ZMAT4: variants seen among roughly 807,000 people sequenced by gnomAD.
ZMAT4 encodes zinc finger matrin-type protein 4.
Under a neutral mutation model 28.7 loss-of-function variants are expected in ZMAT4, and 17 were observed. That is an observed-to-expected ratio of 0.59 (90% CI 0.41 to 0.89). ZMAT4 has a LOEUF of 0.89. ZMAT4 is among the 40% of genes least tolerant of loss of function. The pLI, the probability that ZMAT4 is intolerant of heterozygous loss-of-function variation, is 0.00. For missense variants in ZMAT4, 240 were observed against 283.8 expected (o/e 0.85, Z 1.11); for synonymous variants, 117 against 109.2 (o/e 1.07, Z -0.44).
At chr8:40,868,936 T>A (rs576478176) in intron 1 of ZMAT4, among the ~76,000 whole-genome samples, 28 of 152,350 alleles carry the variant, frequency 1.8e-4, no homozygotes, top group Non-Finnish European at 2.5e-4. Flanking sequence ...ATCGGCAGTA[T>A]TGCCCATTAT....
intron 3 of ZMAT4, among the ~76,000 whole-genome samples, chr8:40,734,831 T>C (rs1811692248): frequency 6.6e-6 from 1 of 152,264 alleles, no homozygotes; most frequent in South Asian, 2.1e-4. Context: ...ATTGGAATTG[T>C]CCAAAATTTA....
chr8:40,705,655 T>C (rs1810320162), intron 3 of ZMAT4, among the ~76,000 whole-genome samples: 2 of 152,350 alleles, frequency 1.3e-5, no homozygotes, highest in African/African-American at 2.4e-5. Context: ...TTGAAGCATA[T>C]ATACATTGTG....
rs1809188681 is a variant in ZMAT4 at position 40,682,012 on chromosome 8, TTATA to T, written c.350-7085_350-7082del. Among the ~76,000 whole-genome samples, 3 of 152,060 alleles carry T rather than the reference TTATA, an allele frequency of 2.0e-5. No individual in the cohort carries two copies. In the South Asian group the frequency reaches 6.2e-4, roughly 31 times the overall value. On this transcript the variant is annotated intron_variant, in intron 4 of 6. Transcript: ENST00000297737. ...CACTTATACACATAGCTGCAAAACT[TTATA>T]TAACTATAACTACTACTATTACTAT...
intron 2 of ZMAT4, among the ~76,000 whole-genome samples, chr8:40,806,339 A>G (rs1337443196): frequency 2.0e-5 from 3 of 152,188 alleles, no homozygotes; most frequent in Non-Finnish European, 4.4e-5. Flanking sequence ...CTTTTTAATT[A>G]AGGCCATTAG....
chr8:40,568,576 A>T (rs1046345006), intron 6 of ZMAT4, among the ~76,000 whole-genome samples: 3 of 152,096 alleles, frequency 2.0e-5, no homozygotes, highest in Non-Finnish European at 4.4e-5. Flanking sequence ...CTCAACATTC[A>T]TCTACCCGTT....
chr8:40,712,681 G>T (rs1034385691), intron 3 of ZMAT4, among the ~76,000 whole-genome samples: 1 of 152,182 alleles, frequency 6.6e-6, no homozygotes, highest in Non-Finnish European at 1.5e-5. Flanking sequence ...GCCATATCCT[G>T]AAATCATGGT....
chr8:40,691,988 T>A (rs914528414), intron 4 of ZMAT4, among the ~76,000 whole-genome samples: 1 of 152,230 alleles, frequency 6.6e-6, no homozygotes, highest in Non-Finnish European at 1.5e-5. Context: ...GGAAAACCAC[T>A]GTTTTTTACC....
rs1805840964 is a variant in ZMAT4, at chr8:40,612,654, C to T, written c.578-31393G>A. ...CATATATCCAACGAATACCTGATAT[C>T]TTCACCTGAGTGACCTCAAACTCAA... On this transcript the variant is annotated intron_variant, in intron 5 of 6. Coordinates refer to ENST00000297737, the MANE Select transcript of ZMAT4 (RefSeq NM_024645.3). Among the ~76,000 whole-genome samples, 2 of 136,992 alleles carry T rather than the reference C, an allele frequency of 1.5e-5. 1 individual carries two copies. Among genetic ancestry groups the T allele is most frequent in the Non-Finnish European group, 3.4e-5 (2 of 59,176 alleles). 89.9% of individuals were successfully genotyped at this position (136,992 alleles called of 152,430 possible).
chr8:40,753,556 G>A (rs757646655), intron 3 of ZMAT4, among the ~76,000 whole-genome samples: 1 of 152,056 alleles, frequency 6.6e-6, no homozygotes, highest in Non-Finnish European at 1.5e-5. Context: ...CACTATCCTT[G>A]TAAGTTCTGT....
At chr8:40,727,179 G>A (rs1214192333) in intron 3 of ZMAT4, among the ~76,000 whole-genome samples, 2 of 152,160 alleles carry the variant, frequency 1.3e-5, no homozygotes, top group South Asian at 2.1e-4. Context: ...CTCTTTGGCT[G>A]CTATCTTTGG....
intron 2 of ZMAT4, chr8:40,786,821 G>T (rs1307689329): frequency 9.4e-7 from 1 of 1,061,370 alleles, no homozygotes; most frequent in Non-Finnish European, 1.3e-6. Flanking sequence ...GCTTACAGAA[G>T]AAAATTGGGA....
intron 1 of ZMAT4, among the ~76,000 whole-genome samples, chr8:40,832,228 G>A (rs1254066594): frequency 6.6e-6 from 1 of 152,140 alleles, no homozygotes; most frequent in African/African-American, 2.4e-5. Context: ...ATATGCTGGG[G>A]CCTGAAGAGC....
rs977044616 is a variant in ZMAT4 at position 40,566,667 on chromosome 8, C to G, written c.674+14498G>C. On this transcript the variant is annotated intron_variant, in intron 6 of 6. Transcript: ENST00000297737. Reference sequence around the variant, plus strand: ...GATACTGAAAAATCTGAAGCTCCCCCCTACTCAGTTGCCTTGAATAGGAAT... The same window carrying G: ...GATACTGAAAAATCTGAAGCTCCCCGCTACTCAGTTGCCTTGAATAGGAAT... Among the ~76,000 whole-genome samples, 7 of 152,110 alleles carry G rather than the reference C, an allele frequency of 4.6e-5. No individual in the cohort carries two copies. The South Asian group carries it at 6.2e-4, about 14-fold the overall frequency.
intron 1 of ZMAT4, among the ~76,000 whole-genome samples, chr8:40,832,454 C>T (rs1192101707): frequency 6.6e-6 from 1 of 152,136 alleles, no homozygotes; most frequent in Admixed American, 6.5e-5. Flanking sequence ...GGCCTGACAC[C>T]TCGAAAAGCC....
chr8:40,884,963 G>C (rs1586223035), intron 1 of ZMAT4: 1 of 152,186 alleles, frequency 6.6e-6, no homozygotes, highest in African/African-American at 2.4e-5. Flanking sequence ...CTTTAAGAAA[G>C]AGTTTGCAAA....
chr8:40,576,521 G>A (rs576468407), intron 6 of ZMAT4, among the ~76,000 whole-genome samples: 1 of 145,864 alleles, frequency 6.9e-6, no homozygotes, highest in African/African-American at 2.7e-5. Context: ...ACATATTTAA[G>A]GGCTGAAAGG....
chr8:40,881,559 AAAGAAAG>A (rs1434640139), intron 1 of ZMAT4, among the ~76,000 whole-genome samples: 2 of 100,892 alleles, frequency 2.0e-5, no homozygotes, highest in African/African-American at 8.2e-5. Context: ...AGAAAGAAAG[AAAGAAAG>A]AAAGAAAGAA....
intron 3 of ZMAT4, among the ~76,000 whole-genome samples, chr8:40,755,462 AT>A (rs1235151837): frequency 6.6e-6 from 1 of 151,580 alleles, no homozygotes; most frequent in East Asian, 1.9e-4. Flanking sequence ...ATTTCCTGTA[AT>A]TTTTTTTGAG....
intron 4 of ZMAT4, among the ~76,000 whole-genome samples, chr8:40,688,142 C>A (rs1809497568): frequency 6.6e-6 from 1 of 152,124 alleles, no homozygotes. Flanking sequence ...AGCAACAACA[C>A]CACCACCACA....
Sources: gnomAD v4.1 joint callset for allele counts (sites outside exome capture counted in the v4.1 genomes callset) on GRCh38, gnomAD v4.1.1 for gene constraint, MANE v1.5 for transcripts, NCBI Gene and HGNC (gene_info 2026-07-23, HGNC 2026-07-21) for gene names.